The following NUP210L variants were observed in gnomAD, a reference collection of about 807,000 sequenced individuals.
NUP210L encodes the protein nucleoporin 210 like, also known as nuclear pore membrane glycoprotein 210-like.
A neutral mutation model predicts 208.5 loss-of-function variants in NUP210L; 74 were observed. That is an observed-to-expected ratio of 0.35 (90% CI 0.29 to 0.43). The LOEUF (loss-of-function observed/expected upper bound fraction) is 0.43. Among genes scored for constraint, NUP210L ranks in the 20% least tolerant of loss-of-function variants. The pLI is 1.00. For synonymous variants in NUP210L, 780 were observed against 816.9 expected (o/e 0.95, Z 0.77); for missense variants, 1,843 against 2,289.4 (o/e 0.81, Z 3.98).
At chr1:154,118,684 C>T (rs944939030) in exon 11 of NUP210L, 13 of 1,596,226 alleles carry the variant, frequency 8.1e-6, no homozygotes, top group Non-Finnish European at 1.1e-5. Context: ...TACTTTATAA[C>T]GATATAACAT....
chr1:154,031,475 ATTTAATCT>A (rs1447225589), intron 27 of NUP210L, among the ~76,000 whole-genome samples: 1 of 152,066 alleles, frequency 6.6e-6, no homozygotes, highest in Non-Finnish European at 1.5e-5. Flanking sequence ...TCATTTAATC[ATTTAATCT>A]AACTATATTT....
intron 7 of NUP210L, among the ~76,000 whole-genome samples, chr1:154,132,575 GATAA>G (rs1237711532): frequency 6.6e-6 from 1 of 151,868 alleles, no homozygotes; most frequent in Non-Finnish European, 1.5e-5. Context: ...CCTCAAAAAA[GATAA>G]ATAAACAGAC....
chr1:154,090,683 C>T (rs1359025620), intron 15 of NUP210L, among the ~76,000 whole-genome samples: 3 of 152,044 alleles, frequency 2.0e-5, no homozygotes, highest in African/African-American at 4.8e-5. Context: ...TATTGCCACA[C>T]GCCTGTAGTC....
At chr1:154,083,100 T>C (rs370267076) in intron 16 of NUP210L, among the ~76,000 whole-genome samples, 6 of 152,120 alleles carry the variant, frequency 3.9e-5, no homozygotes, top group African/African-American at 9.7e-5. Context: ...GAACAAATAT[T>C]CCGCAGCACA....
At chr1:154,084,217 T>G (rs1054238723) in intron 16 of NUP210L, among the ~76,000 whole-genome samples, 3 of 150,718 alleles carry the variant, frequency 2.0e-5, no homozygotes, top group African/African-American at 7.3e-5. Flanking sequence ...TTTTTAATTT[T>G]TTTTTTTTTT....
chr1:154,099,718 T>A (rs1168783807), intron 14 of NUP210L, among the ~76,000 whole-genome samples: 1 of 152,246 alleles, frequency 6.6e-6, no homozygotes, highest in African/African-American at 2.4e-5. Flanking sequence ...AACTTTTCTG[T>A]ACATATTTTA....
At chr1:154,091,657 C>T (rs1021621380) in intron 15 of NUP210L, among the ~76,000 whole-genome samples, 3 of 151,414 alleles carry the variant, frequency 2.0e-5, no homozygotes, top group Non-Finnish European at 4.4e-5. Flanking sequence ...CCCACCACCA[C>T]GTCCGGCTAA....
intron 3 of NUP210L, 51 bp from the exon 4 acceptor site, chr1:154,141,575 T>C: frequency 9.1e-7 from 1 of 1,103,292 alleles, no homozygotes; most frequent in Non-Finnish European, 1.4e-6. Context: ...TTTAAAAATA[T>C]TCAGGTATTT....
At chr1:154,153,137 A>C (rs1376033003) in intron 1 of NUP210L, among the ~76,000 whole-genome samples, 4 of 152,244 alleles carry the variant, frequency 2.6e-5, no homozygotes, top group African/African-American at 9.6e-5. Flanking sequence ...CTCAGTATGC[A>C]GAAATACGAC....
chr1:154,038,654 T>A (rs1652696631), intron 27 of NUP210L, among the ~76,000 whole-genome samples: 1 of 151,678 alleles, frequency 6.6e-6, no homozygotes. Context: ...AGACACAGGG[T>A]TTTTTCATGT....
rs1656717680 is a variant in NUP210L, at chr1:154,105,609, G to A, written c.1621-1399C>T. Among the ~76,000 whole-genome samples, 5 of 152,342 alleles carry A rather than the reference G, an allele frequency of 3.3e-5. No homozygotes were observed. In the South Asian group the frequency reaches 1.0e-3, roughly 32 times the overall value. ...GGTGTGACTCAGTACATTCCCAGCT[G>A]TGATGACCATGAGCAGAGACTTCTT... On this transcript the variant is annotated intron_variant, in intron 12 of 39. Coordinates refer to ENST00000368559, the Ensembl canonical transcript of NUP210L.
At chr1:154,017,304 G>T (rs1030519559) in intron 33 of NUP210L, among the ~76,000 whole-genome samples, 2 of 151,238 alleles carry the variant, frequency 1.3e-5, no homozygotes, top group Admixed American at 6.6e-5. Context: ...AAAAGGGGGG[G>T]GCTCAGGTCA....
chr1:154,058,262 C>T (rs1653975712), intron 21 of NUP210L, 46 bp from the exon 22 acceptor site: 6 of 1,601,782 alleles, frequency 3.7e-6, no homozygotes, highest in East Asian at 2.2e-5. Flanking sequence ...GTCTCATTCA[C>T]CAATGGCAGT....
chr1:154,001,781 C>G (rs1304228433), exon 36 of NUP210L: 2 of 1,614,084 alleles, frequency 1.2e-6, no homozygotes, highest in South Asian at 2.2e-5. Context: ...TCTTATCTCC[C>G]CGATATCTTG....
chr1:154,136,035 T>C, intron 6 of NUP210L, 63 bp from the exon 7 acceptor site: 1 of 1,101,674 alleles, frequency 9.1e-7, no homozygotes. Context: ...TAATGATGTA[T>C]TCTTGATCAT....
intron 27 of NUP210L, among the ~76,000 whole-genome samples, chr1:154,036,586 A>C (rs1334413778): frequency 6.6e-6 from 1 of 151,558 alleles, no homozygotes; most frequent in East Asian, 1.9e-4. Context: ...GCTGGTCTCA[A>C]ACTCCTGACC....
At chr1:154,007,850 A>C (rs1285297269) in intron 35 of NUP210L, among the ~76,000 whole-genome samples, 1 of 150,530 alleles carries the variant, frequency 6.6e-6, no homozygotes, top group East Asian at 2.0e-4. Context: ...CTGGGACTAC[A>C]GGCATGAGCC....
rs916294836 is a variant in NUP210L at position 154,121,916 on chromosome 1, C to T, written c.1327-3108G>A. 2.7e-5 allele frequency among the ~76,000 whole-genome samples: 4 copies of T among 150,252 alleles called. No homozygotes were observed. In the East Asian group the frequency reaches 5.8e-4, roughly 22 times the overall value. ...AAAAGAAAAGCAAATTAAATCCAAA[C>T]GAAGCAAAAGAAAGAGAATAATACA... On this transcript the variant is annotated intron_variant, in intron 10 of 39. Transcript: ENST00000368559.
intron 10 of NUP210L, among the ~76,000 whole-genome samples, chr1:154,123,437 G>A (rs1002014411): frequency 4.6e-5 from 7 of 152,018 alleles, no homozygotes; most frequent in African/African-American, 9.7e-5. Flanking sequence ...GAGCCAACTC[G>A]CCCATCTGGA....
Sources: gnomAD v4.1 joint callset for allele counts (sites outside exome capture counted in the v4.1 genomes callset) on GRCh38, gnomAD v4.1.1 for gene constraint, MANE v1.5 for transcripts, NCBI Gene and HGNC (gene_info 2026-07-23, HGNC 2026-07-21) for gene names.